Variants in DGKB observed in about 807,000 individuals in gnomAD.
The protein encoded by DGKB is 90 kDa diacylglycerol kinase.
In DGKB, 67 loss-of-function variants were observed where a neutral mutation model predicts 114.3. That is an observed-to-expected ratio of 0.59 (90% CI 0.48 to 0.72). The LOEUF (loss-of-function observed/expected upper bound fraction) is 0.72, where lower values mean the gene tolerates loss of function less well. Among genes scored for constraint, DGKB ranks in the 30% least tolerant of loss-of-function variants. The pLI is 0.00. For synonymous variants in DGKB, 398 were observed against 323.1 expected, an observed-to-expected ratio of 1.23 and a Z score of -2.49; for missense variants, 907 against 975.2, an observed-to-expected ratio of 0.93 and a Z score of 0.93.
chr7:14,443,740 T>C (rs2128818066), intron 21 of DGKB, among the ~76,000 whole-genome samples: 1 of 152,206 alleles, frequency 6.6e-6, no homozygotes, highest in Non-Finnish European at 1.5e-5. Context: ...TTTGTTGGCT[T>C]GTTTGAGTGT....
chr7:14,218,759 A>T (rs888596923), intron 23 of DGKB, among the ~76,000 whole-genome samples: 1 of 151,986 alleles, frequency 6.6e-6, no homozygotes, highest in Non-Finnish European at 1.5e-5. Context: ...TTGAAATGTA[A>T]TCCACATATC....
At chr7:14,325,382 G>A (rs1358471378) in intron 23 of DGKB, among the ~76,000 whole-genome samples, 1 of 152,134 alleles carries the variant, frequency 6.6e-6, no homozygotes, top group African/African-American at 2.4e-5. Context: ...TGCAACTGAA[G>A]GGAAAGCAGC....
chr7:14,705,750 C>T (rs377020576), intron 6 of DGKB, among the ~76,000 whole-genome samples: 5 of 151,666 alleles, frequency 3.3e-5, no homozygotes, highest in African/African-American at 1.2e-4. Context: ...AAATACTTTA[C>T]AGACAAGCAA....
At chr7:14,506,965 G>C (rs2128966173) in intron 20 of DGKB, among the ~76,000 whole-genome samples, 1 of 152,234 alleles carries the variant, frequency 6.6e-6, no homozygotes, top group South Asian at 2.1e-4. Context: ...CCATGTGCAG[G>C]CTGGATGATG....
At chr7:14,155,172 A>G (rs1782816914) in intron 25 of DGKB, among the ~76,000 whole-genome samples, 1 of 152,082 alleles carries the variant, frequency 6.6e-6, no homozygotes. Flanking sequence ...TGACTGACCA[A>G]CTGAATAAAT....
chr7:14,348,715 A>T (rs1453905541), intron 21 of DGKB, among the ~76,000 whole-genome samples: 1 of 151,980 alleles, frequency 6.6e-6, no homozygotes, highest in Non-Finnish European at 1.5e-5. Flanking sequence ...TTCTAAATGA[A>T]ATATGAGCCA....
chr7:14,364,285 A>G (rs984656585), intron 21 of DGKB, among the ~76,000 whole-genome samples: 33 of 152,054 alleles, frequency 2.2e-4, no homozygotes, highest in African/African-American at 7.7e-4. Flanking sequence ...CTTTGCCTGC[A>G]AGACTCACAA....
At chr7:14,606,997 C>A (rs957241728) in intron 17 of DGKB, among the ~76,000 whole-genome samples, 2 of 151,946 alleles carry the variant, frequency 1.3e-5, no homozygotes, top group Admixed American at 1.3e-4. Context: ...ATAACTCCTA[C>A]ATGCTTAGTG....
intron 21 of DGKB, among the ~76,000 whole-genome samples, chr7:14,416,554 T>A (rs1825757644): frequency 6.6e-6 from 1 of 152,002 alleles, no homozygotes; most frequent in Non-Finnish European, 1.5e-5. Context: ...AGGGACCCAG[T>A]GGGAGGTAAT....
chr7:14,852,487 C>CAAAAAAAAAAAAACAAAACAAA, intron 1 of DGKB, among the ~76,000 whole-genome samples: 11 of 63,636 alleles, frequency 1.7e-4, no homozygotes, highest in Non-Finnish European at 1.8e-4. Flanking sequence ...TAGTGAAAGT[C>CAAAAAAAAAAAAACAAAACAAA]AAAAAAAAAA....
intron 21 of DGKB, among the ~76,000 whole-genome samples, chr7:14,405,116 ATTAT>A (rs1278925231): frequency 1.5e-4 from 1 of 6,880 alleles, no homozygotes; most frequent in Non-Finnish European, 6.2e-3. Flanking sequence ...CACATTTCAA[ATTAT>A]TCTGCCTCAA....
At chr7:14,298,505 G>A (rs183998546) in intron 23 of DGKB, among the ~76,000 whole-genome samples, 20 of 152,210 alleles carry the variant, frequency 1.3e-4, no homozygotes, top group East Asian at 7.7e-4. Context: ...CTAACCATAC[G>A]CAGAAAACTG....
intron 15 of DGKB, among the ~76,000 whole-genome samples, chr7:14,616,772 T>G (rs528470420): frequency 6.6e-6 from 1 of 151,904 alleles, no homozygotes; most frequent in East Asian, 1.9e-4. Flanking sequence ...TACAGAGCCC[T>G]GTGTCTTTTC....
intron 23 of DGKB, among the ~76,000 whole-genome samples, chr7:14,303,678 A>G (rs548131961): frequency 2.6e-5 from 4 of 152,062 alleles, no homozygotes; most frequent in Non-Finnish European, 2.9e-5. Flanking sequence ...ACAGGCATCA[A>G]AGTAAATCAG....
chr7:14,926,071 T>C lies in DGKB; in HGVS notation c.-188+48625A>G, dbSNP rs1006959835. Among the ~76,000 whole-genome samples, 3 of 152,148 alleles carry C rather than the reference T, an allele frequency of 2.0e-5. No homozygotes were observed. In the South Asian group the frequency reaches 6.2e-4, roughly 31 times the overall value. ...TTACCAAATTGAAAGAAAAATCCTA[T>C]AATCCTAGTTTGCAGGGAGTTTTTA... On this transcript the variant is annotated intron_variant, in intron 1 of 4. Transcript: ENST00000437998.
chr7:14,538,255 C>A (rs898095047), intron 20 of DGKB, among the ~76,000 whole-genome samples: 1 of 152,002 alleles, frequency 6.6e-6, no homozygotes, highest in Non-Finnish European at 1.5e-5. Context: ...GGAACTCCTA[C>A]ACCTCAATAG....
chr7:14,695,762 C>A (rs956607506), intron 8 of DGKB, among the ~76,000 whole-genome samples: 1 of 151,904 alleles, frequency 6.6e-6, no homozygotes, highest in African/African-American at 2.4e-5. Context: ...CTGCCTCGGC[C>A]TCCCAAAGTG....
chr7:14,963,953 CAT>C (rs200188076), intron 1 of DGKB, among the ~76,000 whole-genome samples: 4 of 151,956 alleles, frequency 2.6e-5, no homozygotes, highest in East Asian at 1.9e-4. Flanking sequence ...ATTATCCATA[CAT>C]ATATATATAC....
At chr7:14,944,556 G>A (rs892895670) in intron 1 of DGKB, among the ~76,000 whole-genome samples, 5 of 151,660 alleles carry the variant, frequency 3.3e-5, no homozygotes, top group African/African-American at 9.7e-5. Context: ...TCTGTAATAC[G>A]TAAACCGCTA....
Sources: gnomAD v4.1 joint callset for allele counts (sites outside exome capture counted in the v4.1 genomes callset) on GRCh38, gnomAD v4.1.1 for gene constraint, MANE v1.5 for transcripts, NCBI Gene and HGNC (gene_info 2026-07-23, HGNC 2026-07-21) for gene names.